The following MYZAP variants were observed in gnomAD, a reference collection of about 807,000 sequenced individuals.
MYZAP encodes myocardial zonula adherens protein.
Under a neutral mutation model 69.4 loss-of-function variants are expected in MYZAP, and 66 were observed. The ratio of observed to expected loss-of-function variants is 0.95; its 90% CI spans 0.78 to 1.17. MYZAP has a LOEUF of 1.17. MYZAP is among the 50% of genes most tolerant of loss of function. The pLI, the probability that MYZAP is intolerant of heterozygous loss-of-function variation, is 0.00. For missense variants in MYZAP, 611 were observed against 556.2 expected, an observed-to-expected ratio of 1.10 and a Z score of -0.99; for synonymous variants, 256 against 205.9, an observed-to-expected ratio of 1.24 and a Z score of -2.09.
chr15:57,621,205 C>CTT (rs61201214), intron 3 of MYZAP, among the ~76,000 whole-genome samples: 35,014 of 127,168 alleles, frequency 0.28, 4,793 homozygotes, highest in East Asian at 0.34. Context: ...CTTTCTTTTT[C>CTT]TTTTTTTTTT....
intron 10 of MYZAP, chr15:57,648,184 G>A (rs1237905741): frequency 1.0e-6 from 1 of 985,116 alleles, no homozygotes; most frequent in African/African-American, 1.7e-5. Context: ...CAGCACAATT[G>A]TGGCAGCCTT....
chr15:57,600,584 GGACCCAT>G (rs1414852619), intron 1 of MYZAP, among the ~76,000 whole-genome samples: 7 of 152,118 alleles, frequency 4.6e-5, no homozygotes, highest in Non-Finnish European at 7.3e-5. Context: ...TTGAGTGATT[GGACCCAT>G]GGGACCCCCT....
chr15:57,594,564 A>G (rs903412545), intron 1 of MYZAP, among the ~76,000 whole-genome samples: 9 of 152,228 alleles, frequency 5.9e-5, no homozygotes, highest in Non-Finnish European at 1.3e-4. Context: ...TTTGGTCAAC[A>G]GTAGCCAGGA....
chr15:57,593,128 A>G lies in MYZAP; in HGVS notation c.75+1019A>G, dbSNP rs1171192914. On this transcript the variant is annotated intron_variant, in intron 1 of 12. Transcript: ENST00000267853. ...GTTACTCTTGGGCATGGGCCAACTG[A>G]TGGATTCTGGGGTGTGTGTGTGCGT... is the stretch of plus-strand genomic sequence containing the variant. Among the ~76,000 whole-genome samples, 3 of 140,088 alleles carry G rather than the reference A, an allele frequency of 2.1e-5. No individual in the cohort carries two copies. The Admixed American group carries it at 2.2e-4, about 10-fold the overall frequency. The allele number at this position is 140,088 out of a possible 152,430, so 91.9% of individuals were successfully genotyped here.
rs771380707 is a variant in MYZAP, at chr15:57,621,652, C to G, written c.363C>G (p.Asp121Glu). The G allele has an allele frequency of 3.1e-6, 5 of 1,613,826 alleles. No homozygotes were observed. The African/African-American group carries it at 4.0e-5, about 13-fold the overall frequency. Residue 121 changes from aspartate to glutamate, a missense_variant, in exon 4 of 13, where the codon GAC becomes GAG. Coordinates refer to ENST00000267853, the MANE Select transcript of MYZAP (RefSeq NM_001018100.5). ...LEKVRKRMYG[D>E]YDEMRQKIRQ... is the part of the protein sequence containing the mutation. ...AGGTGAGAAAGCGAATGTATGGAGA[C>G]TATGATGAGATGAGACAGAAGATTC...
intron 10 of MYZAP, among the ~76,000 whole-genome samples, chr15:57,654,803 A>T (rs1245935882): frequency 6.6e-6 from 1 of 152,172 alleles, no homozygotes; most frequent in Non-Finnish European, 1.5e-5. Context: ...TCCATAACAG[A>T]ACCATACTAC....
At chr15:57,624,514 C>A in intron 4 of MYZAP, among the ~76,000 whole-genome samples, 1 of 152,188 alleles carries the variant, frequency 6.6e-6, no homozygotes, top group East Asian at 1.9e-4. Flanking sequence ...TGTGGGAGGA[C>A]ATTTGTGAAA....
At chr15:57,629,971 ATTTT>A in intron 6 of MYZAP, 117 bp downstream of exon 6, 7 of 871,748 alleles carry the variant, frequency 8.0e-6, no homozygotes, top group East Asian at 4.6e-5. Context: ...TCTTCATTGG[ATTTT>A]TTTTTTTTTT....
At chr15:57,639,777 T>A (rs1434202553) in intron 10 of MYZAP, among the ~76,000 whole-genome samples, 1 of 152,188 alleles carries the variant, frequency 6.6e-6, no homozygotes, top group Admixed American at 6.5e-5. Context: ...TTAAGAAAGC[T>A]GGAAAGTGCA....
intron 10 of MYZAP, among the ~76,000 whole-genome samples, chr15:57,655,961 T>G (rs1387070783): frequency 6.6e-6 from 1 of 152,230 alleles, no homozygotes; most frequent in African/African-American, 2.4e-5. Flanking sequence ...TCTCAGTTCT[T>G]AATGCCCTGG....
At chr15:57,664,408 G>A (rs1352339880) in intron 11 of MYZAP, among the ~76,000 whole-genome samples, 1 of 152,190 alleles carries the variant, frequency 6.6e-6, no homozygotes, top group East Asian at 1.9e-4. Context: ...AATCAGAGGT[G>A]ACATTCAAAT....
intron 11 of MYZAP, among the ~76,000 whole-genome samples, chr15:57,671,667 C>T (rs1483668116): frequency 6.6e-6 from 1 of 151,874 alleles, no homozygotes. Flanking sequence ...AGTCTTAAGT[C>T]CATCTAGTGA....
At chr15:57,613,427 G>A (rs2035238814) in intron 2 of MYZAP, among the ~76,000 whole-genome samples, 1 of 151,984 alleles carries the variant, frequency 6.6e-6, no homozygotes, top group Non-Finnish European at 1.5e-5. Flanking sequence ...CTGGAGTATA[G>A]TAGTATGATC....
chr15:57,599,352 A>ATT (rs58670224), intron 1 of MYZAP: 104,525 of 495,810 alleles, frequency 0.21, 7,395 homozygotes, highest in East Asian at 0.28. Flanking sequence ...GGAGGCCAGC[A>ATT]TTTTTTTTTT....
At chr15:57,645,167 A>G (rs1383909150) in intron 10 of MYZAP, among the ~76,000 whole-genome samples, 4 of 152,236 alleles carry the variant, frequency 2.6e-5, no homozygotes, top group African/African-American at 9.6e-5. Context: ...AAAGCAGAAT[A>G]TTATTTGTGA....
At chr15:57,596,773 C>G (rs1470289196) in intron 1 of MYZAP, among the ~76,000 whole-genome samples, 1 of 152,196 alleles carries the variant, frequency 6.6e-6, no homozygotes, top group Admixed American at 6.5e-5. Context: ...TGCCATTTCC[C>G]CGAGCTTTCG....
intron 10 of MYZAP, chr15:57,647,101 C>T (rs1311678477): frequency 1.0e-6 from 1 of 985,306 alleles, no homozygotes; most frequent in Non-Finnish European, 1.2e-6. Context: ...TAGTTCTCCA[C>T]TCCTATCACT....
At chr15:57,658,829 A>T (rs1337791924) in intron 10 of MYZAP, among the ~76,000 whole-genome samples, 1 of 152,214 alleles carries the variant, frequency 6.6e-6, no homozygotes, top group Non-Finnish European at 1.5e-5. Flanking sequence ...TAATCTACTG[A>T]TGATGGATGC....
chr15:57,657,673 C>A (rs1191339048), intron 10 of MYZAP, among the ~76,000 whole-genome samples: 1 of 152,070 alleles, frequency 6.6e-6, no homozygotes, highest in Admixed American at 6.6e-5. Flanking sequence ...TGGAAATAAC[C>A]TTATTTCTCT....
Sources: allele counts gnomAD v4.1 joint callset (sites outside exome capture counted in the v4.1 genomes callset), GRCh38; gene constraint gnomAD v4.1.1; transcripts MANE v1.5; gene names NCBI Gene and HGNC (gene_info 2026-07-23, HGNC 2026-07-21).